Variants in UBE2O observed in about 807,000 individuals in gnomAD.
UBE2O encodes the protein (E3-independent) E2 ubiquitin-conjugating enzyme.
A neutral mutation model predicts 125.8 loss-of-function variants in UBE2O; 15 were observed. The observed-to-expected ratio is 0.12, with a 90% CI of 0.08 to 0.18. The LOEUF (loss-of-function observed/expected upper bound fraction) is 0.18. UBE2O is among the 10% of genes least tolerant of loss of function. The pLI is 1.00. For missense variants in UBE2O, 1,280 were observed against 1,723.6 expected (o/e 0.74, Z 4.56); for synonymous variants, 708 against 703.2 (o/e 1.01, Z -0.11).
intron 1 of UBE2O, among the ~76,000 whole-genome samples, chr17:76,425,837 T>G (rs946558178): frequency 2.3e-4 from 35 of 152,316 alleles, no homozygotes; most frequent in African/African-American, 7.0e-4. Flanking sequence ...TGTCGATCTC[T>G]CTCCCTCCTG....
chr17:76,434,268 G>A (rs1243858224), intron 1 of UBE2O, among the ~76,000 whole-genome samples: 1 of 152,150 alleles, frequency 6.6e-6, no homozygotes, highest in Non-Finnish European at 1.5e-5. Flanking sequence ...AGGTTCAGAT[G>A]AAGACCCCAC....
chr17:76,408,847 T>G (rs1312197912), intron 1 of UBE2O, among the ~76,000 whole-genome samples: 1 of 152,040 alleles, frequency 6.6e-6, no homozygotes, highest in African/African-American at 2.4e-5. Context: ...GCCCTGCTTG[T>G]AGTTTAAAAA....
intron 1 of UBE2O, among the ~76,000 whole-genome samples, chr17:76,427,487 G>T (rs1238444018): frequency 6.6e-6 from 1 of 152,096 alleles, no homozygotes; most frequent in African/African-American, 2.4e-5. Context: ...TCTTGTGTTT[G>T]TTGTGATCGC....
chr17:76,407,357 AC>A (rs1260203166), intron 1 of UBE2O, among the ~76,000 whole-genome samples: 2 of 152,004 alleles, frequency 1.3e-5, no homozygotes, highest in African/African-American at 4.8e-5. Context: ...TGTGCCTGTA[AC>A]CCTCTGTGCC....
Position 76,452,629 on chromosome 17 carries a change from C to G in UBE2O, c.417+96G>C. 8.4e-7 allele frequency: 1 copy of G among 1,196,792 alleles called. No individual in the cohort carries two copies. The highest frequency in any genetic ancestry group is 1.1e-6 in the Non-Finnish European group (1 of 938,594). The allele number at this position is 1,196,792 out of a possible 1,614,324, so 74.1% of individuals were successfully genotyped here. A position where few individuals can be genotyped will look rare whatever the true frequency, so the allele number is the denominator to read the frequency against. On this transcript the variant is annotated intron_variant, in intron 1 of 17. Coordinates refer to ENST00000319380, the MANE Select transcript of UBE2O (RefSeq NM_022066.4). This position sits in a 1 kb window ranked among gnomAD's most constrained non-coding sequence, Gnocchi z 4.4. ...TCCCGCGTCGGCCACTGCAGTGGCACCGCTCCGGGCAGGGCCCTGCACGCC... is the reference window on the plus strand; with the variant it reads ...TCCCGCGTCGGCCACTGCAGTGGCAGCGCTCCGGGCAGGGCCCTGCACGCC...
chr17:76,398,472 C>T lies in UBE2O; in HGVS notation c.1896G>A (p.Glu632=), dbSNP rs1328289220. 6.2e-7 allele frequency: 1 copy of T among 1,614,178 alleles called. No homozygotes were observed. Among genetic ancestry groups the T allele is most frequent in the Non-Finnish European group, 8.5e-7 (1 of 1,180,034 alleles). Residue 632 remains glutamate, a splice_region_variant and synonymous_variant, in exon 11 of 18, where the codon GAG becomes GAA. Coordinates refer to ENST00000319380, the MANE Select transcript of UBE2O (RefSeq NM_022066.4). This position sits in a 1 kb window ranked among gnomAD's most constrained non-coding sequence, Gnocchi z 5.4. Reference sequence around the variant, plus strand: ...AGCAAGCAGTAGGGGCTGCACACACCTCCACGTCGTCCCCACTCGGCCTCA... The same window carrying T: ...AGCAAGCAGTAGGGGCTGCACACACTTCCACGTCGTCCCCACTCGGCCTCA... The part of the protein sequence containing the change: ...FKLRPSGDDV[E]LIGEEEDVSV...
rs1393544399 is a variant in UBE2O, at chr17:76,405,867, G to C, written c.418-295C>G. On this transcript the variant is annotated intron_variant, in intron 1 of 17. Coordinates refer to ENST00000319380, the MANE Select transcript of UBE2O (RefSeq NM_022066.4). This position sits in a 1 kb window ranked among gnomAD's most constrained non-coding sequence, Gnocchi z 6.1. ...CTCACACTGAACAGTGCAGCTCAATGACAGATCACATAAGGCTGCACTTTA... is the reference window on the plus strand; with the variant it reads ...CTCACACTGAACAGTGCAGCTCAATCACAGATCACATAAGGCTGCACTTTA... Among the ~76,000 whole-genome samples, 1 of 152,202 alleles carries C rather than the reference G, an allele frequency of 6.6e-6. No individual in the cohort carries two copies. Among genetic ancestry groups the C allele is most frequent in the Admixed American group, 6.5e-5 (1 of 15,284 alleles).
Position 76,398,827 on chromosome 17 carries a change from CT to C in UBE2O, c.1783+9del. 2 of 1,612,280 alleles carry C rather than the reference CT, an allele frequency of 1.2e-6. No individual in the cohort carries two copies. The highest frequency in any genetic ancestry group is 8.5e-7 in the Non-Finnish European group (1 of 1,178,954). On this transcript the variant is annotated intron_variant, in intron 10 of 17. Transcript: ENST00000319380. This position sits in a 1 kb window ranked among gnomAD's most constrained non-coding sequence, Gnocchi z 5.4. ...CACCCTGCTGGCTGCCCTTCCAGAG[CT>C]GGCACTACCTCGCTTATCTACCACG...
chr17:76,400,877 C>A lies in UBE2O; in HGVS notation c.894+134G>T. 1 of 1,117,206 alleles carries A rather than the reference C, an allele frequency of 9.0e-7. No homozygotes were observed. Among genetic ancestry groups the A allele is most frequent in the Non-Finnish European group, 1.3e-6 (1 of 798,906 alleles). The allele number at this position is 1,117,206 out of a possible 1,614,324, so 69.2% of individuals were successfully genotyped here. ...CCTGGGTTCCCTTTATCCCCAAAGC[C>A]CTTTGAGATCAACAGGGTCCAGATG... On this transcript the variant is annotated intron_variant, in intron 6 of 17. Coordinates refer to ENST00000319380, the MANE Select transcript of UBE2O (RefSeq NM_022066.4). This position sits in a 1 kb window ranked among gnomAD's most constrained non-coding sequence, Gnocchi z 4.3.
chr17:76,424,662 G>T (rs1394677249), intron 1 of UBE2O, among the ~76,000 whole-genome samples: 3 of 151,856 alleles, frequency 2.0e-5, no homozygotes, highest in African/African-American at 7.3e-5. Context: ...ATTGCTTGAG[G>T]CCAGGAGTTC....
intron 1 of UBE2O, among the ~76,000 whole-genome samples, chr17:76,442,277 T>C (rs1381286051): frequency 6.6e-6 from 1 of 152,202 alleles, no homozygotes; most frequent in Non-Finnish European, 1.5e-5. Context: ...AGGATGCCCA[T>C]ACGTCCCAGT....
chr17:76,399,296 C>A lies in UBE2O; in HGVS notation c.1628+153G>T, dbSNP rs2072272831. On this transcript the variant is annotated intron_variant, in intron 9 of 17. Coordinates refer to ENST00000319380, the MANE Select transcript of UBE2O (RefSeq NM_022066.4). The surrounding 1 kb of genome is among the most constrained non-coding windows in gnomAD (Gnocchi z 6.9). ...TCTCTGCTTTCCACCAGGGCCTACC[C>A]CAGGCACCTACGTTGTCTCGGGTGG... 1.2e-6 allele frequency: 1 copy of A among 832,736 alleles called. No homozygotes were observed. The highest frequency in any genetic ancestry group is 2.5e-5 in the East Asian group (1 of 39,868). 51.6% of individuals were successfully genotyped at this position (832,736 alleles called of 1,614,324 possible).
intron 1 of UBE2O, among the ~76,000 whole-genome samples, chr17:76,417,802 C>G (rs2072641590): frequency 6.6e-6 from 1 of 152,150 alleles, no homozygotes; most frequent in Non-Finnish European, 1.5e-5. Context: ...TTTGATGCTG[C>G]ATGGATGCAT....
In UBE2O at chr17:76,391,284, A is replaced by G. The variant is rs2072108848; in HGVS notation, c.3538T>C (p.Ser1180Pro). Residue 1180 changes from serine to proline, a missense_variant, in exon 18 of 18, where the codon TCC (serine) becomes CCC (proline). Ser to Pro is a moderately conservative substitution (Grantham distance 74). This residue lies in a region of UBE2O where 233 missense variants were observed against 279.0 expected (regional missense o/e 0.84). Transcript: ENST00000319380. The surrounding 1 kb of genome is among the most constrained non-coding windows in gnomAD (Gnocchi z 8.4). ...CCATCCTCAGGTTCTTGTTGGCCGGAGTCTGACAGCTCGGCTACAGCTGGG... is the reference window on the plus strand; with the variant it reads ...CCATCCTCAGGTTCTTGTTGGCCGGGGTCTGACAGCTCGGCTACAGCTGGG... ...EPPAVAELSD[S>P]GQQEPEDGGP... 22 of 1,612,676 alleles carry G rather than the reference A, an allele frequency of 1.4e-5. No homozygotes were observed. Among genetic ancestry groups the G allele is most frequent in the Non-Finnish European group, 1.9e-5 (22 of 1,179,924 alleles).
intron 1 of UBE2O, among the ~76,000 whole-genome samples, chr17:76,416,928 G>A (rs557849570): frequency 4.5e-4 from 68 of 152,270 alleles, no homozygotes; most frequent in East Asian, 1.5e-3. Context: ...ACAAAGCTGC[G>A]GCTGGTCACA....
chr17:76,416,006 T>C (rs1362139461), intron 1 of UBE2O, among the ~76,000 whole-genome samples: 5 of 151,042 alleles, frequency 3.3e-5, no homozygotes, highest in Non-Finnish European at 5.9e-5. Context: ...TATATACGTA[T>C]GTGTATACAT....
Position 76,400,324 on chromosome 17 carries a change from C to A in UBE2O, c.1005-27G>T, listed in dbSNP as rs768010169. On this transcript the variant is annotated intron_variant, in intron 7 of 17. Transcript: ENST00000319380. The surrounding 1 kb of genome is among the most constrained non-coding windows in gnomAD (Gnocchi z 4.3). ...TGGTTGGGGAAGAAGTGGGGGTGAG[C>A]TGGGCTGGACTCCTGGGAGGCCAGC... The A allele has an allele frequency of 2.9e-5, 46 of 1,609,718 alleles. No individual in the cohort carries two copies. The highest frequency in any genetic ancestry group is 3.7e-5 in the Non-Finnish European group (44 of 1,177,172).
chr17:76,404,765 C>A lies in UBE2O; in HGVS notation c.588+441G>T, dbSNP rs1229552311. 6.6e-6 allele frequency among the ~76,000 whole-genome samples: 1 copy of A among 151,476 alleles called. No individual in the cohort carries two copies. The highest frequency in any genetic ancestry group is 1.5e-5 in the Non-Finnish European group (1 of 67,944). On this transcript the variant is annotated intron_variant, in intron 3 of 17. Coordinates refer to ENST00000319380, the MANE Select transcript of UBE2O (RefSeq NM_022066.4). This position sits in a 1 kb window ranked among gnomAD's most constrained non-coding sequence, Gnocchi z 4.3. ...TCAAATGTTTTGGGAAGAAAAAAGA[C>A]CGGAGGGGGATCTCGGGGAAAAGGA...
intron 1 of UBE2O, among the ~76,000 whole-genome samples, chr17:76,423,191 C>T (rs949970120): frequency 2.0e-5 from 3 of 152,046 alleles, no homozygotes; most frequent in African/African-American, 7.2e-5. Flanking sequence ...TGGATGTGGG[C>T]TGAGGAAGGG....
Sources: allele counts gnomAD v4.1 joint callset (sites outside exome capture counted in the v4.1 genomes callset), GRCh38; gene constraint gnomAD v4.1.1; regional missense constraint gnomAD v4.1.1; non-coding constraint Gnocchi (gnomAD v3.1); transcripts MANE v1.5; gene names NCBI Gene and HGNC (gene_info 2026-07-23, HGNC 2026-07-21).